ZBTB20: variants seen among roughly 807,000 people sequenced by gnomAD.
ZBTB20 encodes zinc finger and BTB domain containing 20, also known as zinc finger and BTB domain-containing protein 20.
A neutral mutation model predicts 56.9 loss-of-function variants in ZBTB20; 9 were observed. That is an observed-to-expected ratio of 0.16 (90% confidence interval 0.10 to 0.28). ZBTB20 has a LOEUF of 0.28. Among genes scored for constraint, ZBTB20 ranks in the 10% least tolerant of loss-of-function variants. ZBTB20 has a pLI of 1.00. For missense variants in ZBTB20, 655 were observed against 1,003.0 expected, an observed-to-expected ratio of 0.65 and a Z score of 4.69; for synonymous variants, 417 against 420.7, an observed-to-expected ratio of 0.99 and a Z score of 0.11.
chr3:114,426,981 T>C (rs556336268), intron 7 of ZBTB20, among the ~76,000 whole-genome samples: 1 of 152,372 alleles, frequency 6.6e-6, no homozygotes, highest in East Asian at 1.9e-4. Flanking sequence ...CTTTAATATA[T>C]ATAAAGCCAT....
At chr3:114,533,238 G>T (rs1286452037) in intron 6 of ZBTB20, among the ~76,000 whole-genome samples, 1 of 151,940 alleles carries the variant, frequency 6.6e-6, no homozygotes, top group Non-Finnish European at 1.5e-5. Flanking sequence ...GAGCTAAGAA[G>T]CTTGAAAAAA....
rs113723082 is a variant in ZBTB20 at position 114,879,689 on chromosome 3, A to G, written c.-417+20615T>C. Among the ~76,000 whole-genome samples the G allele has an allele frequency of 3.3e-3, 506 of 152,266 alleles. 1 individual carries two copies. The highest frequency in any genetic ancestry group is 6.0e-3 in the Non-Finnish European group (405 of 68,016). On this transcript the variant is annotated intron_variant, in intron 4 of 11. Coordinates refer to ENST00000675478, the MANE Select transcript of ZBTB20 (RefSeq NM_001348800.3). ...GATCTTCCTTATTTATACGGATTTGAGGCAGTACTTGCTTTTGTGTGATAG... is the reference window on the plus strand; with the variant it reads ...GATCTTCCTTATTTATACGGATTTGGGGCAGTACTTGCTTTTGTGTGATAG...
At chr3:114,985,650 A>C (rs1248388403) in intron 2 of ZBTB20, among the ~76,000 whole-genome samples, 2 of 152,096 alleles carry the variant, frequency 1.3e-5, no homozygotes, top group Non-Finnish European at 2.9e-5. Context: ...TTTACTGCCA[A>C]AATAGATGGG....
At chr3:114,968,055 A>G (rs1237653181) in intron 3 of ZBTB20, among the ~76,000 whole-genome samples, 8 of 152,148 alleles carry the variant, frequency 5.3e-5, no homozygotes, top group African/African-American at 1.9e-4. Context: ...ATATTTGTAT[A>G]TATGTATACC....
At chr3:115,096,410 T>C (rs990663557) in intron 1 of ZBTB20, among the ~76,000 whole-genome samples, 1 of 152,218 alleles carries the variant, frequency 6.6e-6, no homozygotes, top group African/African-American at 2.4e-5. Context: ...ATTTTACTTA[T>C]GTTTTACAGT....
chr3:114,814,650 A>C (rs1434614330), intron 4 of ZBTB20, among the ~76,000 whole-genome samples: 1 of 152,232 alleles, frequency 6.6e-6, no homozygotes, highest in African/African-American at 2.4e-5. Context: ...CTCTTTGCTA[A>C]GTCACCTGAA....
rs1232189219 is a variant in ZBTB20 at position 114,339,168 on chromosome 3, T to A, written c.2063A>T (p.Asn688Ile). The A allele has an allele frequency of 1.9e-6, 3 of 1,614,136 alleles. No homozygotes were observed. The South Asian group carries it at 3.3e-5, about 18-fold the overall frequency. Residue 688 changes from asparagine (N) to isoleucine (I), a missense_variant, in exon 12 of 12, where the codon AAT (asparagine) becomes ATT (isoleucine). Asn to Ile is a moderately radical substitution (Grantham distance 149). Coordinates refer to ENST00000675478, the MANE Select transcript of ZBTB20 (RefSeq NM_001348800.3). The surrounding 1 kb of genome is among the most constrained non-coding windows in gnomAD (Gnocchi z 4.2). ...ERHVALHSAS[N>I]GTPPAGTPPG... Reference sequence around the variant, plus strand: ...GGGTGTGCCTGCAGGGGGGGTCCCATTGCTGGCACTGTGCAGGGCCACGTG... The same window carrying A: ...GGGTGTGCCTGCAGGGGGGGTCCCAATGCTGGCACTGTGCAGGGCCACGTG...
chr3:114,405,435 T>C (rs774178205), intron 7 of ZBTB20, among the ~76,000 whole-genome samples: 2 of 152,162 alleles, frequency 1.3e-5, no homozygotes, highest in Non-Finnish European at 2.9e-5. Flanking sequence ...CTGACGGTCT[T>C]ATCATCAACA....
intron 2 of ZBTB20, among the ~76,000 whole-genome samples, chr3:114,974,913 C>T (rs1220113541): frequency 5.3e-5 from 8 of 151,666 alleles, no homozygotes; most frequent in South Asian, 4.2e-4. Context: ...CTCAGATAAA[C>T]CAAAGAAAAT....
intron 6 of ZBTB20, among the ~76,000 whole-genome samples, chr3:114,603,244 T>C (rs1287058071): frequency 1.3e-5 from 2 of 152,020 alleles, no homozygotes; most frequent in African/African-American, 2.4e-5. Flanking sequence ...AGATTGTTCA[T>C]TTTCGTTGTA....
At chr3:114,756,712 T>C (rs1314529820) in intron 5 of ZBTB20, among the ~76,000 whole-genome samples, 1 of 152,146 alleles carries the variant, frequency 6.6e-6, no homozygotes, top group Non-Finnish European at 1.5e-5. Context: ...ACTTTGCATA[T>C]TTTCCTCTGA....
At position 114,753,432 on chromosome 3, in the gene ZBTB20, T is replaced by TATATATATATATAC. The variant is rs1205435166; in HGVS notation, c.-343+47668_-343+47669insGTATATATATATAT. 5.3e-4 allele frequency among the ~76,000 whole-genome samples: 23 copies of TATATATATATATAC among 43,508 alleles called. 4 individuals carry two copies. Among genetic ancestry groups the TATATATATATATAC allele is most frequent in the South Asian group, 1.6e-3 (2 of 1,218 alleles). 28.5% of individuals were successfully genotyped at this position (43,508 alleles called of 152,430 possible). A position where few individuals can be genotyped will look rare whatever the true frequency, so the allele number is the denominator to read the frequency against. On this transcript the variant is annotated intron_variant, in intron 5 of 11. Coordinates refer to ENST00000675478, the MANE Select transcript of ZBTB20 (RefSeq NM_001348800.3). ...ACACACGTATATATATATATATATA[T>TATATATATATATAC]ACACACACACTTTTTTTTTTGAGAC...
rs562566215 is a variant in ZBTB20, at chr3:114,561,529, A to G, written c.-294-61138T>C. On this transcript the variant is annotated intron_variant, in intron 6 of 11. Transcript: ENST00000675478. ...ATTAGCCTCTTTGTACATCTCCATCAGAGTTTTTCGGTGACCAGGTATTGT... is the reference window on the plus strand; with the variant it reads ...ATTAGCCTCTTTGTACATCTCCATCGGAGTTTTTCGGTGACCAGGTATTGT... 1.9e-3 allele frequency among the ~76,000 whole-genome samples: 290 copies of G among 152,260 alleles called. 2 individuals are homozygous for G. Among genetic ancestry groups the G allele is most frequent in the African/African-American group, 6.5e-3 (272 of 41,546 alleles).
chr3:114,835,589 T>A (rs1016231052), intron 4 of ZBTB20, among the ~76,000 whole-genome samples: 3 of 152,156 alleles, frequency 2.0e-5, no homozygotes, highest in African/African-American at 7.2e-5. Flanking sequence ...TAATAGTATC[T>A]CAAAATGCAC....
intron 5 of ZBTB20, among the ~76,000 whole-genome samples, chr3:114,693,918 C>T (rs1359716859): frequency 6.6e-6 from 1 of 152,042 alleles, no homozygotes; most frequent in Non-Finnish European, 1.5e-5. Context: ...ATAAATCAAA[C>T]CACTGTAAAC....
intron 1 of ZBTB20, among the ~76,000 whole-genome samples, chr3:115,101,337 T>C (rs1365599725): frequency 6.6e-6 from 1 of 152,220 alleles, no homozygotes; most frequent in Non-Finnish European, 1.5e-5. Flanking sequence ...CTTTGTCTGA[T>C]ACTTCTAACC....
intron 7 of ZBTB20, among the ~76,000 whole-genome samples, chr3:114,490,144 A>G (rs2042574608): frequency 6.6e-6 from 1 of 152,136 alleles, no homozygotes. Context: ...GTTCCCTTGA[A>G]TAACAAACAG....
intron 10 of ZBTB20, among the ~76,000 whole-genome samples, chr3:114,363,341 C>T (rs1348464837): frequency 6.6e-6 from 1 of 152,052 alleles, no homozygotes; most frequent in Non-Finnish European, 1.5e-5. Flanking sequence ...TTAATTTATT[C>T]TTGAAAGAAA....
chr3:114,585,775 G>A (rs1337838302), intron 6 of ZBTB20, among the ~76,000 whole-genome samples: 1 of 152,218 alleles, frequency 6.6e-6, no homozygotes, highest in Non-Finnish European at 1.5e-5. Context: ...CCTGCTAAAA[G>A]CAGCAGTATT....
Sources: gnomAD v4.1 joint callset for allele counts (sites outside exome capture counted in the v4.1 genomes callset) on GRCh38, gnomAD v4.1.1 for gene constraint, Gnocchi (gnomAD v3.1) non-coding constraint, MANE v1.5 for transcripts, NCBI Gene and HGNC (gene_info 2026-07-23, HGNC 2026-07-21) for gene names.